The following SPDYE4 variants were observed in gnomAD, a reference collection of about 807,000 sequenced individuals.
SPDYE4 encodes speedy/RINGO cell cycle regulator family member E4.
A neutral mutation model predicts 37.5 loss-of-function variants in SPDYE4; 30 were observed. The ratio of observed to expected loss-of-function variants is 0.80; its 90% CI spans 0.60 to 1.09. The LOEUF is 1.09. Ranked by LOEUF, SPDYE4 falls within the 50% of genes least tolerant of loss-of-function variation. The pLI is 0.00. For synonymous variants in SPDYE4, 131 were observed against 120.3 expected, an observed-to-expected ratio of 1.09 and a Z score of -0.58; for missense variants, 300 against 307.9, an observed-to-expected ratio of 0.97 and a Z score of 0.19.
rs1353647 is a variant in SPDYE4 at position 8,751,663 on chromosome 17, T to C, written c.*619A>G. 0.27 allele frequency among the ~76,000 whole-genome samples: 40,741 copies of C among 152,106 alleles called. 6,135 individuals carry two copies. The highest frequency in any genetic ancestry group is 0.34 in the Non-Finnish European group (22,913 of 67,976). On this transcript the variant is annotated 3_prime_UTR_variant, in exon 7 of 7. Coordinates refer to ENST00000689094, the MANE Select transcript of SPDYE4 (RefSeq NM_001394956.1). ...TCTCTTAAAAATGAAAACTAAATTA[T>C]ATTTATGTGTATATAACAACCGTCA...
Position 8,756,239 on chromosome 17 carries a change from T to C in SPDYE4, c.399+139A>G, listed in dbSNP as rs112312955. The C allele has an allele frequency of 1.3e-3, 1,023 of 771,820 alleles. 8 individuals carry two copies. In the African/African-American group the frequency reaches 0.015, roughly 11 times the overall value. 47.8% of individuals were successfully genotyped at this position (771,820 alleles called of 1,614,324 possible). A position where few individuals can be genotyped will look rare whatever the true frequency, so the allele number is the denominator to read the frequency against. On this transcript the variant is annotated intron_variant, in intron 3 of 6. Transcript: ENST00000689094. ...GTTTCTGAAAAAATAAAAATCAAAA[T>C]GTGGGCGCCCAAGAGTATGGAATCA...
At position 8,755,519 on chromosome 17, in the gene SPDYE4, C is replaced by G; in HGVS notation, c.485+1G>C. 1 of 1,611,272 alleles carries G rather than the reference C, an allele frequency of 6.2e-7. No homozygotes were observed. The highest frequency in any genetic ancestry group is 1.1e-5 in the South Asian group (1 of 90,986). On this transcript the variant is annotated splice_donor_variant, in intron 4 of 6. Coordinates refer to ENST00000689094, the MANE Select transcript of SPDYE4 (RefSeq NM_001394956.1). LOFTEE classifies it high-confidence loss of function. ...CAGATGGGAAGAAGCAAACTACTCA[C>G]AGAGCCAGGAAGAAATGAATGCGTT...
In SPDYE4 at chr17:8,757,347, C is replaced by T. The variant is rs373072269; in HGVS notation, c.255G>A (p.Thr85=). The T allele has an allele frequency of 1.6e-5, 25 of 1,600,224 alleles. No homozygotes were observed. In the African/African-American group the frequency reaches 2.0e-4, roughly 13 times the overall value. ...TCAGCTTCATCTTGAGCCCACACAG[C>T]GTCTCCACCACCCAGGTGTCCTCGG... ...PEPEDTWVVE[T]LCGLKMKLKR... is the part of the protein sequence containing the mutation. Residue 85 remains threonine (T), a synonymous_variant, in exon 2 of 7, where the codon ACG becomes ACA. Coordinates refer to ENST00000689094, the MANE Select transcript of SPDYE4 (RefSeq NM_001394956.1).
Position 8,753,102 on chromosome 17 carries a change from A to G in SPDYE4, c.*36T>C, listed in dbSNP as rs2086740347. 6.2e-7 allele frequency: 1 copy of G among 1,612,814 alleles called. No homozygotes were observed. The highest frequency in any genetic ancestry group is 8.5e-7 in the Non-Finnish European group (1 of 1,179,088). ...GGAGGATACACACGTACCTTCCCTC[A>G]GGCCGATGACCTCAGGCCTCCATGT... On this transcript the variant is annotated 3_prime_UTR_variant, in exon 6 of 7. Coordinates refer to ENST00000689094, the MANE Select transcript of SPDYE4 (RefSeq NM_001394956.1).
chr17:8,753,637 C>T (rs2086749179), intron 4 of SPDYE4, 148 bp from the exon 5 acceptor site: 3 of 917,046 alleles, frequency 3.3e-6, no homozygotes, highest in East Asian at 2.6e-5. Context: ...CTCAGGAGGC[C>T]CCGCTGGACA....
downstream of SPDYE4, among the ~76,000 whole-genome samples, chr17:8,750,449 G>A (rs367626779): frequency 2.3e-4 from 35 of 152,036 alleles, 2 homozygotes; most frequent in African/African-American, 7.7e-4. Flanking sequence ...GGTGGCTTAC[G>A]CCTGTAATCC....
chr17:8,758,304 C>A lies in SPDYE4; in HGVS notation c.79G>T (p.Val27Leu). 1.9e-6 allele frequency: 3 copies of A among 1,549,496 alleles called. No homozygotes were observed. The highest frequency in any genetic ancestry group is 2.6e-6 in the Non-Finnish European group (3 of 1,146,048). ...GGTCCTGGCACTTCATCATCCACCA[C>A]CACCTCGGGGGACCGTACCGTTGTG... ...PSTTVRSPEV[V>L]VDDEVPGPSA... is the part of the protein sequence containing the mutation. Residue 27 changes from valine to leucine, a missense_variant, in exon 1 of 7, where the codon GTG becomes TTG. Val to Leu is a conservative substitution (Grantham distance 32). Coordinates refer to ENST00000689094, the MANE Select transcript of SPDYE4 (RefSeq NM_001394956.1).
intron 4 of SPDYE4, among the ~76,000 whole-genome samples, chr17:8,755,101 C>T (rs1010189925): frequency 2.6e-5 from 4 of 152,176 alleles, no homozygotes; most frequent in Non-Finnish European, 5.9e-5. Flanking sequence ...CAGGAATGCC[C>T]AGCAGGGAGT....
Position 8,758,497 on chromosome 17 carries a change from G to T in SPDYE4, c.-115C>A, listed in dbSNP as rs1034654524. The T allele has an allele frequency of 3.2e-6, 3 of 944,690 alleles. No individual in the cohort carries two copies. The highest frequency in any genetic ancestry group is 3.2e-6 in the Non-Finnish European group (2 of 615,508). 58.5% of individuals were successfully genotyped at this position (944,690 alleles called of 1,614,324 possible). ...AGTGCGTTTCTCTTCTAGAGGCTCG[G>T]GAGAAGTTAGGAGTGAAGAGTAGTT... On this transcript the variant is annotated 5_prime_UTR_variant, in exon 1 of 7. Transcript: ENST00000689094.
intron 4 of SPDYE4, among the ~76,000 whole-genome samples, chr17:8,755,089 C>G (rs537273487): frequency 6.6e-6 from 1 of 152,294 alleles, no homozygotes; most frequent in South Asian, 2.1e-4. Flanking sequence ...GGGCAGGACT[C>G]GCAGGAATGC....
Position 8,753,201 on chromosome 17 carries a change from G to C in SPDYE4, c.655-4C>G, listed in dbSNP as rs749599460. On this transcript the variant is annotated splice_region_variant and splice_polypyrimidine_tract_variant and intron_variant, in intron 5 of 6. Coordinates refer to ENST00000689094, the MANE Select transcript of SPDYE4 (RefSeq NM_001394956.1). ...GCTCTGGGTCATAAGCCTGGATCTG[G>C]AAAAACACACACCACTTGAGAAGCC... 1 of 1,614,020 alleles carries C rather than the reference G, an allele frequency of 6.2e-7. No individual in the cohort carries two copies. Among genetic ancestry groups the C allele is most frequent in the Non-Finnish European group, 8.5e-7 (1 of 1,180,016 alleles).
At position 8,751,777 on chromosome 17, in the gene SPDYE4, T is replaced by C. The variant is rs1048048269; in HGVS notation, c.*505A>G. On this transcript the variant is annotated 3_prime_UTR_variant, in exon 7 of 7. Coordinates refer to ENST00000689094, the MANE Select transcript of SPDYE4 (RefSeq NM_001394956.1). ...CTAGTAATAATTCTATGGCCAACAT[T>C]TGAAAAATAAACCAACAAAATGTAC... Among the ~76,000 whole-genome samples the C allele has an allele frequency of 6.6e-6, 1 of 152,160 alleles. No homozygotes were observed. The highest frequency in any genetic ancestry group is 6.5e-5 in the Admixed American group (1 of 15,280).
downstream of SPDYE4, among the ~76,000 whole-genome samples, chr17:8,750,503 G>T (rs1270299023): frequency 6.6e-6 from 1 of 152,240 alleles, no homozygotes; most frequent in Non-Finnish European, 1.5e-5. Context: ...GAGGTCGGGA[G>T]ATCAAGACCA....
In SPDYE4 at chr17:8,756,421, T is replaced by G; in HGVS notation, c.356A>C (p.Gln119Pro). ...GTCTTTGTCCCAGGCCAGGAATTTTTGAACGACAGGATCCCCTGTGAAAAG... is the reference window on the plus strand; with the variant it reads ...GTCTTTGTCCCAGGCCAGGAATTTTGGAACGACAGGATCCCCTGTGAAAAG... ...FNRLLGDPVV[Q>P]KFLAWDKDLR... Residue 119 changes from glutamine (Q) to proline (P), a missense_variant, in exon 3 of 7, where the codon CAA becomes CCA. Physicochemically the swap from Gln to Pro is moderately conservative, Grantham distance 76 (BLOSUM62 -1). Transcript: ENST00000689094. The G allele has an allele frequency of 1.2e-6, 2 of 1,614,058 alleles. No homozygotes were observed. The highest frequency in any genetic ancestry group is 1.7e-6 in the Non-Finnish European group (2 of 1,179,946).
In SPDYE4 at chr17:8,757,276, A is replaced by G; in HGVS notation, c.326T>C (p.Phe109Ser). 1 of 1,605,516 alleles carries G rather than the reference A, an allele frequency of 6.2e-7. No homozygotes were observed. The highest frequency in any genetic ancestry group is 8.5e-7 in the Non-Finnish European group (1 of 1,175,856). Residue 109 changes from phenylalanine to serine, a missense_variant, in exon 2 of 7, where the codon TTC becomes TCC. Phe to Ser is a radical substitution (Grantham distance 155, BLOSUM62 -2). Coordinates refer to ENST00000689094, the MANE Select transcript of SPDYE4 (RefSeq NM_001394956.1). ...SSVLPEHHEA[F>S]NRLLGDPVVQ... ...TATCCTCCTACCAAGGAGCCTGTTG[A>G]AGGCCTCGTGGTGCTCAGGGAGCAC...
At chr17:8,750,817 A>G (rs1475802185), downstream of SPDYE4, among the ~76,000 whole-genome samples, 1 of 152,262 alleles carries the variant, frequency 6.6e-6, no homozygotes, top group African/African-American at 2.4e-5. Flanking sequence ...TTGGACAACA[A>G]ATAAGCAATC....
chr17:8,758,396 C>T lies in SPDYE4; in HGVS notation c.-14G>A. On this transcript the variant is annotated 5_prime_UTR_variant, in exon 1 of 7. Coordinates refer to ENST00000689094, the MANE Select transcript of SPDYE4 (RefSeq NM_001394956.1). ...ACCACTGGCCATAATCTCTCCCAAA[C>T]ACTTTGTTTCTGTCCACAAAACCTA... 1 of 1,549,790 alleles carries T rather than the reference C, an allele frequency of 6.5e-7. No homozygotes were observed. The highest frequency in any genetic ancestry group is 1.2e-5 in the South Asian group (1 of 84,042).
chr17:8,753,470 C>T lies in SPDYE4; in HGVS notation c.505G>A (p.Glu169Lys). The stretch of plus-strand genomic sequence containing the variant: ...TGTTTCGGGGCCTGGTTGTCCTCCT[C>T]CATGTCACTGGCCAGGTAGCTGGGG... ...FLALYLASDMEEDNQAPKQDI... is the reference protein window; with the variant it reads ...FLALYLASDMKEDNQAPKQDI... The change falls in exon 5 of 7, where the codon GAG (glutamate) becomes AAG (lysine). Residue 169 changes from glutamate to lysine, a missense_variant. Glu to Lys is a moderately conservative substitution (Grantham distance 56). Coordinates refer to ENST00000689094, the MANE Select transcript of SPDYE4 (RefSeq NM_001394956.1). 1 of 1,613,758 alleles carries T rather than the reference C, an allele frequency of 6.2e-7. No homozygotes were observed. The highest frequency in any genetic ancestry group is 8.5e-7 in the Non-Finnish European group (1 of 1,179,870).
chr17:8,754,487 T>A (rs73260158), intron 4 of SPDYE4, among the ~76,000 whole-genome samples: 2,998 of 152,166 alleles, frequency 0.02, 92 homozygotes, highest in African/African-American at 0.067. Flanking sequence ...AGGTGGGAGC[T>A]TCACTAGAGC....
Sources: allele counts gnomAD v4.1 joint callset (sites outside exome capture counted in the v4.1 genomes callset), GRCh38; gene constraint gnomAD v4.1.1; transcripts MANE v1.5; gene names NCBI Gene and HGNC (gene_info 2026-07-23, HGNC 2026-07-21).